The following UST variants were observed in gnomAD, a reference collection of about 807,000 sequenced individuals.
The protein encoded by UST is chondroitin sulfate 2-O-sulfotransferase.
Under a neutral mutation model 45.6 loss-of-function variants are expected in UST, and 21 were observed. That is an observed-to-expected ratio of 0.46 (90% confidence interval 0.33 to 0.66). The LOEUF (loss-of-function observed/expected upper bound fraction) is 0.66. UST is among the 30% of genes least tolerant of loss of function. The pLI, the probability that UST is intolerant of heterozygous loss-of-function variation, is 0.02. For missense variants in UST, 463 were observed against 512.4 expected (o/e 0.90, Z 0.93); for synonymous variants, 215 against 200.6 (o/e 1.07, Z -0.61).
intron 7 of UST, among the ~76,000 whole-genome samples, chr6:149,041,078 A>G (rs7776117): frequency 0.65 from 98,743 of 152,164 alleles, 33,185 homozygotes; most frequent in African/African-American, 0.82. Context: ...GCCTTGAAAA[A>G]GAAATTTCCT....
chr6:149,030,803 C>T (rs527540166), intron 7 of UST, among the ~76,000 whole-genome samples: 2 of 152,106 alleles, frequency 1.3e-5, no homozygotes, highest in African/African-American at 4.8e-5. Flanking sequence ...GCAATACACA[C>T]AGAAAAAAAT....
chr6:148,947,677 A>T (rs1768127801), intron 3 of UST, among the ~76,000 whole-genome samples: 1 of 152,124 alleles, frequency 6.6e-6, no homozygotes, highest in Non-Finnish European at 1.5e-5. Flanking sequence ...TATCCCAGGA[A>T]CCTTTCTCTG....
intron 2 of UST, among the ~76,000 whole-genome samples, chr6:148,924,238 C>A (rs1253694183): frequency 1.3e-5 from 2 of 152,106 alleles, no homozygotes; most frequent in Admixed American, 6.5e-5. Flanking sequence ...GAATATGTGA[C>A]CTAAGTTTCC....
intron 7 of UST, among the ~76,000 whole-genome samples, chr6:149,069,029 T>C (rs1416993034): frequency 6.6e-6 from 1 of 152,252 alleles, no homozygotes; most frequent in African/African-American, 2.4e-5. Context: ...TCATTTAACA[T>C]GATGACCTCC....
intron 2 of UST, among the ~76,000 whole-genome samples, chr6:148,935,243 A>G (rs1485870017): frequency 6.6e-6 from 1 of 152,232 alleles, no homozygotes; most frequent in Non-Finnish European, 1.5e-5. Flanking sequence ...ATAAAAATAT[A>G]TAATTCATAG....
intron 2 of UST, among the ~76,000 whole-genome samples, chr6:148,914,271 C>T (rs540420568): frequency 2.0e-5 from 3 of 152,084 alleles, no homozygotes; most frequent in African/African-American, 7.2e-5. Flanking sequence ...TTCATACTCT[C>T]ATACGAGAGT....
At chr6:149,015,095 G>A (rs1775877233) in intron 5 of UST, among the ~76,000 whole-genome samples, 1 of 152,132 alleles carries the variant, frequency 6.6e-6, no homozygotes, top group South Asian at 2.1e-4. Context: ...GCAGTGACTG[G>A]AGTTTCCTCT....
intron 7 of UST, among the ~76,000 whole-genome samples, chr6:149,040,666 T>C (rs1280179296): frequency 1.3e-5 from 2 of 152,140 alleles, no homozygotes; most frequent in African/African-American, 4.8e-5. Flanking sequence ...AATTAATTAG[T>C]TAATTAATTA....
At chr6:149,058,599 G>A (rs949353054) in intron 7 of UST, among the ~76,000 whole-genome samples, 1 of 152,150 alleles carries the variant, frequency 6.6e-6, no homozygotes, top group Middle Eastern at 3.2e-3. Flanking sequence ...AAACCAGTTT[G>A]ATCAGGATAT....
intron 1 of UST, among the ~76,000 whole-genome samples, chr6:148,866,007 GTATGTA>G (rs1328995594): frequency 6.6e-6 from 1 of 151,844 alleles, no homozygotes; most frequent in African/African-American, 2.4e-5. Flanking sequence ...ATATGTGTGT[GTATGTA>G]TATGTATATG....
At chr6:149,067,626 A>G (rs1025455423) in intron 7 of UST, among the ~76,000 whole-genome samples, 9 of 152,222 alleles carry the variant, frequency 5.9e-5, no homozygotes, top group Admixed American at 4.6e-4. Flanking sequence ...GTAAGGTGAC[A>G]TGCAATTAAA....
chr6:148,799,643 C>T (rs570786900), intron 1 of UST, among the ~76,000 whole-genome samples: 15 of 152,202 alleles, frequency 9.9e-5, no homozygotes, highest in South Asian at 6.2e-4. Context: ...CTTTTCCAAC[C>T]CCGTTCCCTC....
At chr6:148,891,368 A>C (rs1027956151) in intron 2 of UST, among the ~76,000 whole-genome samples, 1 of 152,212 alleles carries the variant, frequency 6.6e-6, no homozygotes, top group Non-Finnish European at 1.5e-5. Flanking sequence ...AACCCCATAG[A>C]TAAGGAGAGC....
At position 149,074,103 on chromosome 6, in the gene UST, T is replaced by C. The variant is rs766305796; in HGVS notation, c.1208T>C (p.Ile403Thr). 1 of 1,614,056 alleles carries C rather than the reference T, an allele frequency of 6.2e-7. No homozygotes were observed. Among genetic ancestry groups the C allele is most frequent in the East Asian group, 2.2e-5 (1 of 44,880 alleles). Reference protein sequence around the residue: ...EQDDEKWLEDIYKR With the variant: ...EQDDEKWLEDTYKR ...GATGATGAAAAGTGGCTGGAAGATA[T>C]TTATAAGAGGTGATGTGACTGTGTT... Residue 403 changes from isoleucine to threonine, a missense_variant, in exon 8 of 8, where the codon ATT (isoleucine) becomes ACT (threonine). Ile to Thr is a moderately conservative substitution (Grantham distance 89, BLOSUM62 -1). Coordinates refer to ENST00000367463, the MANE Select transcript of UST (RefSeq NM_005715.3).
chr6:149,000,162 C>T (rs1307791229), intron 5 of UST, among the ~76,000 whole-genome samples: 3 of 152,180 alleles, frequency 2.0e-5, no homozygotes, highest in African/African-American at 7.2e-5. Flanking sequence ...AGCCACACTT[C>T]CCCTCACTTT....
chr6:148,877,006 TG>T (rs66885717), intron 1 of UST, among the ~76,000 whole-genome samples: 134 of 6,288 alleles, frequency 0.021, 4 homozygotes, highest in African/African-American at 0.14. Flanking sequence ...ATATATGAGT[TG>T]GGGGGGGTCA....
chr6:149,026,954 G>A (rs1278986735), intron 7 of UST, among the ~76,000 whole-genome samples: 2 of 152,108 alleles, frequency 1.3e-5, no homozygotes, highest in African/African-American at 2.4e-5. Flanking sequence ...TTCCAAACGA[G>A]TGACTTAAAT....
At chr6:148,892,070 A>G (rs1779029021) in intron 2 of UST, among the ~76,000 whole-genome samples, 1 of 152,252 alleles carries the variant, frequency 6.6e-6, no homozygotes, top group East Asian at 1.9e-4. Context: ...GACTGACTGT[A>G]TAAGAATAGC....
At chr6:148,820,007 G>A (rs1307277646) in intron 1 of UST, among the ~76,000 whole-genome samples, 1 of 152,116 alleles carries the variant, frequency 6.6e-6, no homozygotes, top group African/African-American at 2.4e-5. Context: ...CTCTCTCCGG[G>A]TGCCAGCTTA....
Sources: gnomAD v4.1 joint callset for allele counts (sites outside exome capture counted in the v4.1 genomes callset) on GRCh38, gnomAD v4.1.1 for gene constraint, MANE v1.5 for transcripts, NCBI Gene and HGNC (gene_info 2026-07-23, HGNC 2026-07-21) for gene names.